The following IKZF1 variants were observed in gnomAD, a reference collection of about 807,000 sequenced individuals.
IKZF1 encodes the protein DNA-binding protein Ikaros.
A neutral mutation model predicts 51.7 loss-of-function variants in IKZF1; 10 were observed. The ratio of observed to expected loss-of-function variants is 0.19; its 90% CI spans 0.12 to 0.33. IKZF1 has a LOEUF of 0.33. Ranked by LOEUF, IKZF1 falls within the 10% of genes least tolerant of loss-of-function variation. The probability of loss-of-function intolerance (pLI) is 1.00; values close to 1 mark genes in which losing one functional copy is unlikely to be tolerated. For missense variants in IKZF1, 484 were observed against 707.5 expected, an observed-to-expected ratio of 0.68 and a Z score of 3.58; for synonymous variants, 280 against 282.3, an observed-to-expected ratio of 0.99 and a Z score of 0.08.
intron 3 of IKZF1, among the ~76,000 whole-genome samples, chr7:50,366,231 G>A (rs376575856): frequency 2.9e-4 from 44 of 151,880 alleles, no homozygotes; most frequent in African/African-American, 1.0e-3. Flanking sequence ...TAACAAACCC[G>A]CACATGTACT....
At chr7:50,328,331 C>T (rs1277686423) in intron 3 of IKZF1, 2 of 152,244 alleles carry the variant, frequency 1.3e-5, no homozygotes, top group African/African-American at 4.8e-5. Flanking sequence ...TTAACTTACA[C>T]ATGCGACAGT....
intron 3 of IKZF1, among the ~76,000 whole-genome samples, chr7:50,373,446 A>G (rs1032126819): frequency 6.6e-6 from 1 of 152,178 alleles, no homozygotes; most frequent in Non-Finnish European, 1.5e-5. Flanking sequence ...GTTGCCTCTG[A>G]ATTTATGAAG....
At chr7:50,387,569 G>A (rs574185737) in intron 6 of IKZF1, 99 bp downstream of exon 6, 4 of 1,405,244 alleles carry the variant, frequency 2.8e-6, no homozygotes, top group African/African-American at 1.5e-5. Flanking sequence ...AGAGCCTTGG[G>A]CCTGCTTCCT....
intron 1 of IKZF1, among the ~76,000 whole-genome samples, chr7:50,312,211 C>T (rs1168719381): frequency 6.6e-6 from 1 of 152,166 alleles, no homozygotes; most frequent in African/African-American, 2.4e-5. Flanking sequence ...GGAAGTGGCT[C>T]ATGTCGATGG....
intron 7 of IKZF1, among the ~76,000 whole-genome samples, chr7:50,395,804 G>A (rs1313189871): frequency 6.6e-6 from 1 of 152,190 alleles, no homozygotes; most frequent in African/African-American, 2.4e-5. Flanking sequence ...TTTTGAGGAT[G>A]TTGGCCTGTT....
chr7:50,328,576 A>G (rs554002257), intron 3 of IKZF1: 1 of 152,202 alleles, frequency 6.6e-6, no homozygotes, highest in Non-Finnish European at 1.5e-5. Context: ...AGAGCTACCT[A>G]TTGGCATAAA....
chr7:50,343,655 G>C (rs1412589244), intron 3 of IKZF1, among the ~76,000 whole-genome samples: 1 of 152,208 alleles, frequency 6.6e-6, no homozygotes, highest in African/African-American at 2.4e-5. Flanking sequence ...CTCTAGCTAT[G>C]GTCATTTCAT....
At chr7:50,343,267 C>G (rs1799533643) in intron 3 of IKZF1, among the ~76,000 whole-genome samples, 2 of 141,592 alleles carry the variant, frequency 1.4e-5, no homozygotes, top group African/African-American at 5.1e-5. Context: ...TTTCCTCCTT[C>G]CTTCCTTCCT....
intron 3 of IKZF1, among the ~76,000 whole-genome samples, chr7:50,341,929 C>T (rs1396003797): frequency 6.0e-4 from 90 of 150,896 alleles, no homozygotes; most frequent in African/African-American, 2.2e-3. Flanking sequence ...ATTGGACAGG[C>T]AGGCAGATCT....
At chr7:50,361,890 A>AT (rs1210958468) in intron 3 of IKZF1, among the ~76,000 whole-genome samples, 1 of 152,172 alleles carries the variant, frequency 6.6e-6, no homozygotes, top group Non-Finnish European at 1.5e-5. Context: ...AGAAAAAAAA[A>AT]GCTAATCCCA....
At chr7:50,378,883 AT>A (rs748268531) in intron 4 of IKZF1, among the ~76,000 whole-genome samples, 39 of 152,370 alleles carry the variant, frequency 2.6e-4, no homozygotes, top group Non-Finnish European at 5.1e-4. Context: ...TTGCCTAAAT[AT>A]AAAGGGTCCC....
chr7:50,385,585 GAGA>G (rs1813146429), intron 5 of IKZF1, among the ~76,000 whole-genome samples: 1 of 152,242 alleles, frequency 6.6e-6, no homozygotes, highest in African/African-American at 2.4e-5. Context: ...TATGCTTCAA[GAGA>G]CACTTGAGTT....
intron 3 of IKZF1, among the ~76,000 whole-genome samples, chr7:50,372,317 C>G (rs1808937893): frequency 6.6e-6 from 1 of 152,210 alleles, no homozygotes; most frequent in Non-Finnish European, 1.5e-5. Context: ...CTTACGCGCC[C>G]CGTGGTGACG....
intron 2 of IKZF1, among the ~76,000 whole-genome samples, chr7:50,326,385 A>G (rs1407975521): frequency 6.6e-6 from 1 of 152,180 alleles, no homozygotes; most frequent in African/African-American, 2.4e-5. Flanking sequence ...CTTCTTCAGG[A>G]CCTTCATCTA....
chr7:50,355,586 T>G (rs1803087807), intron 3 of IKZF1, among the ~76,000 whole-genome samples: 2 of 151,752 alleles, frequency 1.3e-5, no homozygotes, highest in South Asian at 4.2e-4. Flanking sequence ...CAGTCTCTCT[T>G]AATTCACTCC....
chr7:50,325,683 G>C (rs1039346284), intron 2 of IKZF1, among the ~76,000 whole-genome samples: 2 of 152,032 alleles, frequency 1.3e-5, no homozygotes, highest in African/African-American at 2.4e-5. Flanking sequence ...GCTGAGACAG[G>C]AGAATGGCTT....
intron 4 of IKZF1, among the ~76,000 whole-genome samples, chr7:50,379,972 A>C (rs1415499064): frequency 6.6e-6 from 1 of 152,236 alleles, no homozygotes; most frequent in East Asian, 1.9e-4. Flanking sequence ...CAATGTCCTC[A>C]TCCCAGTTAA....
At chr7:50,363,453 G>A (rs1036825922) in intron 3 of IKZF1, among the ~76,000 whole-genome samples, 4 of 152,110 alleles carry the variant, frequency 2.6e-5, no homozygotes, top group Non-Finnish European at 5.9e-5. Context: ...ACTGACTGCA[G>A]GACAGGCGGT....
At chr7:50,374,201 C>T (rs1809560270) in intron 3 of IKZF1, among the ~76,000 whole-genome samples, 1 of 152,198 alleles carries the variant, frequency 6.6e-6, no homozygotes, top group South Asian at 2.1e-4. Context: ...CCTCCATATC[C>T]ATGGGTTCAG....
Sources: gnomAD v4.1 joint callset for allele counts (sites outside exome capture counted in the v4.1 genomes callset) on GRCh38, gnomAD v4.1.1 for gene constraint, MANE v1.5 for transcripts, NCBI Gene and HGNC (gene_info 2026-07-23, HGNC 2026-07-21) for gene names.